The following CES5A variants were observed in gnomAD, a reference collection of about 807,000 sequenced individuals.
CES5A encodes carboxylesterase 5A, also known as carboxylesterase 5.
In CES5A, 67 loss-of-function variants were observed where a neutral mutation model predicts 62.9. The observed-to-expected ratio is 1.07, with a 90% CI of 0.88 to 1.31. The LOEUF is 1.31. Among genes scored for constraint, CES5A ranks in the 50% most tolerant of loss-of-function variants. The pLI is 0.00. For synonymous variants in CES5A, 296 were observed against 280.8 expected (o/e 1.05, Z -0.54); for missense variants, 748 against 708.5 (o/e 1.06, Z -0.63).
chr16:55,860,949 CAGCT>C (rs1273482782), intron 7 of CES5A, among the ~76,000 whole-genome samples: 4 of 152,232 alleles, frequency 2.6e-5, no homozygotes, highest in Admixed American at 1.3e-4. Flanking sequence ...TGTCAGCAGT[CAGCT>C]AGATTTTGCT....
intron 2 of CES5A, among the ~76,000 whole-genome samples, chr16:55,930,962 C>A (rs555353821): frequency 3.3e-5 from 5 of 152,164 alleles, no homozygotes; most frequent in Non-Finnish European, 5.9e-5. Flanking sequence ...GATCATGGTG[C>A]CTGAAATCCC....
At chr16:55,868,176 G>A (rs570861609) in intron 4 of CES5A, among the ~76,000 whole-genome samples, 4 of 152,306 alleles carry the variant, frequency 2.6e-5, no homozygotes, top group Non-Finnish European at 4.4e-5. Flanking sequence ...AACCAGATAC[G>A]ATAAGCAATT....
chr16:55,875,668 C>T (rs2033682927), upstream of CES5A, among the ~76,000 whole-genome samples: 1 of 152,222 alleles, frequency 6.6e-6, no homozygotes, highest in African/African-American at 2.4e-5. Flanking sequence ...AAGCGAGTGG[C>T]TCTGAAGGCA....
chr16:55,875,706 C>T (rs922945664), upstream of CES5A, among the ~76,000 whole-genome samples: 5 of 152,180 alleles, frequency 3.3e-5, no homozygotes, highest in Non-Finnish European at 5.9e-5. Context: ...GACAAGCAGC[C>T]CGGCTGGCCC....
chr16:55,861,047 C>T (rs1211692166), intron 7 of CES5A, among the ~76,000 whole-genome samples: 2 of 152,198 alleles, frequency 1.3e-5, no homozygotes, highest in East Asian at 3.9e-4. Flanking sequence ...GGAAGGTTTT[C>T]AGTTACACAA....
intron 1 of CES5A, among the ~76,000 whole-genome samples, chr16:55,916,299 T>C (rs1294514347): frequency 1.3e-5 from 2 of 152,226 alleles, no homozygotes; most frequent in Non-Finnish European, 2.9e-5. Context: ...TAATGGTTTA[T>C]GTCTACACCC....
chr16:55,939,085 T>C (rs1178977976), intron 2 of CES5A, among the ~76,000 whole-genome samples: 1 of 152,066 alleles, frequency 6.6e-6, no homozygotes, highest in Non-Finnish European at 1.5e-5. Flanking sequence ...CTTTCCTCAA[T>C]GTGCCCTTTT....
intron 2 of CES5A, among the ~76,000 whole-genome samples, chr16:55,942,398 C>T (rs868565721): frequency 3.9e-5 from 6 of 152,078 alleles, no homozygotes. Context: ...CTTTTTTAAA[C>T]TGGGCAAATA....
chr16:55,861,537 G>C lies in CES5A; in HGVS notation c.811-21C>G, dbSNP rs370311040. On this transcript the variant is annotated intron_variant, in intron 6 of 12. Transcript: ENST00000290567. ...TGCAGCTATTTTGTAGAGAAGGACC[G>C]GGTTAGAGCATGATATTGAAAGCAT... The C allele has an allele frequency of 5.9e-6, 9 of 1,527,870 alleles. No individual in the cohort carries two copies. The East Asian group carries it at 1.8e-4, about 31-fold the overall frequency. 94.6% of individuals were successfully genotyped at this position (1,527,870 alleles called of 1,614,324 possible). A position where few individuals can be genotyped will look rare whatever the true frequency, so the allele number is the denominator to read the frequency against.
At chr16:55,904,748 A>G (rs1204436856) in intron 1 of CES5A, among the ~76,000 whole-genome samples, 1 of 152,178 alleles carries the variant, frequency 6.6e-6, no homozygotes, top group Non-Finnish European at 1.5e-5. Flanking sequence ...TCGTAAGTGG[A>G]GGAAATAGAC....
intron 1 of CES5A, among the ~76,000 whole-genome samples, chr16:55,888,522 C>T (rs1172326412): frequency 1.3e-5 from 2 of 152,154 alleles, no homozygotes; most frequent in Non-Finnish European, 1.5e-5. Context: ...AACTAAAGAC[C>T]CTTACATTCA....
intron 2 of CES5A, among the ~76,000 whole-genome samples, chr16:55,933,829 T>C (rs1218990611): frequency 6.6e-6 from 1 of 152,140 alleles, no homozygotes; most frequent in Non-Finnish European, 1.5e-5. Context: ...ATCTGCAAAA[T>C]ACACAGCAAA....
intron 1 of CES5A, among the ~76,000 whole-genome samples, chr16:55,923,673 G>A (rs2034231402): frequency 6.6e-6 from 1 of 151,798 alleles, no homozygotes; most frequent in Non-Finnish European, 1.5e-5. Flanking sequence ...TATGAGGCCA[G>A]CATTATCCAG....
upstream of CES5A, among the ~76,000 whole-genome samples, chr16:55,877,818 A>G (rs1420713810): frequency 1.3e-5 from 2 of 152,214 alleles, no homozygotes; most frequent in Non-Finnish European, 2.9e-5. Flanking sequence ...TACTGGTCCA[A>G]TATCACAAAG....
At chr16:55,850,018 C>T (rs1367471611) in intron 10 of CES5A, among the ~76,000 whole-genome samples, 1 of 152,228 alleles carries the variant, frequency 6.6e-6, no homozygotes, top group African/African-American at 2.4e-5. Context: ...CCTCTATATT[C>T]AGCCAAGATC....
intron 1 of CES5A, among the ~76,000 whole-genome samples, chr16:55,916,118 C>A (rs1358421820): frequency 6.6e-6 from 1 of 152,076 alleles, no homozygotes; most frequent in Non-Finnish European, 1.5e-5. Flanking sequence ...TGGGTGGGGG[C>A]CACAGGACCA....
intron 1 of CES5A, among the ~76,000 whole-genome samples, chr16:55,913,931 G>A (rs2034120044): frequency 6.6e-6 from 1 of 152,200 alleles, no homozygotes; most frequent in Admixed American, 6.5e-5. Context: ...AGGTGAGGCA[G>A]GCAGTGAGCT....
At chr16:55,853,778 G>A (rs1267204973) in intron 9 of CES5A, among the ~76,000 whole-genome samples, 1 of 152,142 alleles carries the variant, frequency 6.6e-6, no homozygotes, top group Admixed American at 6.5e-5. Context: ...ACTTTCCCTA[G>A]GCACTAATGG....
upstream of CES5A, among the ~76,000 whole-genome samples, chr16:55,878,090 C>A (rs183704432): frequency 6.9e-4 from 105 of 152,262 alleles, no homozygotes; most frequent in Middle Eastern, 3.4e-3. Flanking sequence ...GAGACACAGA[C>A]CTTTGATAGG....
Sources: gnomAD v4.1 joint callset for allele counts (sites outside exome capture counted in the v4.1 genomes callset) on GRCh38, gnomAD v4.1.1 for gene constraint, MANE v1.5 for transcripts, NCBI Gene and HGNC (gene_info 2026-07-23, HGNC 2026-07-21) for gene names.